VPS13B: variants seen among roughly 807,000 people sequenced by gnomAD.
The protein encoded by VPS13B is vacuolar protein sorting 13 homolog B.
Under a neutral mutation model 426.4 loss-of-function variants are expected in VPS13B, and 285 were observed. The ratio of observed to expected loss-of-function variants is 0.67; its 90% confidence interval spans 0.61 to 0.74. The LOEUF is 0.74. Ranked by LOEUF, VPS13B falls within the 30% of genes least tolerant of loss-of-function variation. VPS13B has a pLI of 0.00. For synonymous variants in VPS13B, 1,676 were observed against 1,676.4 expected, an observed-to-expected ratio of 1.00 and a Z score of 0.01; for missense variants, 4,537 against 4,782.6, an observed-to-expected ratio of 0.95 and a Z score of 1.51.
intron 19 of VPS13B, among the ~76,000 whole-genome samples, chr8:99,351,435 AGTGTGTGTGT>A (rs1024531389): frequency 1.4e-5 from 2 of 145,654 alleles, no homozygotes; most frequent in East Asian, 4.0e-4. Context: ...AGAGAGAGAG[AGTGTGTGTGT>A]GTGTGTGTGT....
rs773391550 is a variant in VPS13B, at chr8:99,121,357, C to T, written c.1118C>T (p.Ser373Leu). 11 of 1,614,062 alleles carry T rather than the reference C, an allele frequency of 6.8e-6. No homozygotes were observed. Among genetic ancestry groups the T allele is most frequent in the Non-Finnish European group, 9.3e-6 (11 of 1,180,036 alleles). ...EEDFVGNDPA[S>L]TMHQQKAQTL... ...GACTTTGTTGGGAACGATCCTGCATCAACCATGCATCAACAAAAAGCACAG... is the reference window on the plus strand; with the variant it reads ...GACTTTGTTGGGAACGATCCTGCATTAACCATGCATCAACAAAAAGCACAG... Residue 373 changes from serine to leucine, a missense_variant, in exon 8 of 62, where the codon TCA becomes TTA. By Grantham distance (145) the Ser-to-Leu change is moderately radical. Coordinates refer to ENST00000357162, the MANE Select transcript of VPS13B (RefSeq NM_152564.5).
At chr8:99,179,529 A>G (rs954901784) in intron 16 of VPS13B, among the ~76,000 whole-genome samples, 2 of 152,148 alleles carry the variant, frequency 1.3e-5, no homozygotes, top group Non-Finnish European at 2.9e-5. Context: ...TGTATCCTAA[A>G]TAACTGTAAC....
chr8:99,664,651 C>T (rs1301863086), intron 35 of VPS13B, among the ~76,000 whole-genome samples: 1 of 152,092 alleles, frequency 6.6e-6, no homozygotes, highest in Non-Finnish European at 1.5e-5. Context: ...ATGAACTCAT[C>T]CTTTTTTATG....
At chr8:99,761,442 G>A (rs1207542457) in intron 39 of VPS13B, among the ~76,000 whole-genome samples, 2 of 152,106 alleles carry the variant, frequency 1.3e-5, no homozygotes, top group East Asian at 3.9e-4. Flanking sequence ...CTACCTAATG[G>A]CTTCCCACAG....
intron 33 of VPS13B, among the ~76,000 whole-genome samples, chr8:99,590,794 G>A (rs1826608674): frequency 6.6e-6 from 1 of 152,152 alleles, no homozygotes; most frequent in African/African-American, 2.4e-5. Context: ...ATGTGATGCT[G>A]AGAATAATGT....
At chr8:99,487,826 CATTTA>C (rs1820392787) in intron 25 of VPS13B, among the ~76,000 whole-genome samples, 1 of 152,120 alleles carries the variant, frequency 6.6e-6, no homozygotes, top group Non-Finnish European at 1.5e-5. Context: ...GTATATAACA[CATTTA>C]ATTTATCTGT....
rs752429062 is a variant in VPS13B, at chr8:99,556,475, C to G, written c.4771C>G (p.Arg1591Gly). 4 of 1,612,696 alleles carry G rather than the reference C, an allele frequency of 2.5e-6. No individual in the cohort carries two copies. The South Asian group carries it at 3.3e-5, about 13-fold the overall frequency. Residue 1591 changes from arginine to glycine, a missense_variant, in exon 31 of 62, where the codon CGA becomes GGA. Transcript: ENST00000357162. ...GAGAGCCTTGAACTTAGGAATTCTT[C>G]GAGATCCTGGATCAGAAATCGAAGA... ...YQRALNLGIL[R>G]DPGSEIEDRQ...
intron 35 of VPS13B, among the ~76,000 whole-genome samples, chr8:99,674,484 C>T (rs1830841891): frequency 6.6e-6 from 1 of 151,920 alleles, no homozygotes; most frequent in Non-Finnish European, 1.5e-5. Context: ...TGAATTGAGT[C>T]TCTTGTAAGC....
intron 19 of VPS13B, among the ~76,000 whole-genome samples, chr8:99,278,222 G>A (rs985932660): frequency 1.3e-5 from 2 of 152,120 alleles, no homozygotes; most frequent in East Asian, 1.9e-4. Context: ...AGGGGGATGG[G>A]TGGTTAAATG....
At chr8:99,494,850 C>A (rs1820803440) in intron 25 of VPS13B, among the ~76,000 whole-genome samples, 1 of 151,870 alleles carries the variant, frequency 6.6e-6, no homozygotes, top group Admixed American at 6.6e-5. Flanking sequence ...TAAGTAAATT[C>A]TGTACAGATA....
At chr8:99,024,284 G>A (rs867050446) in intron 2 of VPS13B, among the ~76,000 whole-genome samples, 1 of 152,250 alleles carries the variant, frequency 6.6e-6, no homozygotes, top group Non-Finnish European at 1.5e-5. Flanking sequence ...GTGTTTGTGT[G>A]TGCATGCGCA....
At chr8:99,685,392 G>T (rs771519226) in intron 35 of VPS13B, among the ~76,000 whole-genome samples, 1 of 152,216 alleles carries the variant, frequency 6.6e-6, no homozygotes, top group Non-Finnish European at 1.5e-5. Context: ...CAGACTGTTA[G>T]TTGGCCTGGG....
At position 99,170,071 on chromosome 8, in the gene VPS13B, G is replaced by C. The variant is rs757030166; in HGVS notation, c.2241G>C (p.Leu747Phe). ...GTTTCCAGGCAGGACTGACGTCTTT[G>C]GATTGCAGTGGATCTTACTGCTTAC... ...IFGFQAGLTS[L>F]DCSGSYCLPV... The change falls in exon 16 of 62, where the codon TTG becomes TTC. Residue 747 changes from leucine (L) to phenylalanine (F), a missense_variant. Leu to Phe is a conservative substitution (Grantham distance 22). This residue lies in a region of VPS13B where 4,311 missense variants were observed against 4,474.3 expected (regional missense o/e 0.96). Transcript: ENST00000357162. 2 of 1,612,802 alleles carry C rather than the reference G, an allele frequency of 1.2e-6. No individual in the cohort carries two copies. Among genetic ancestry groups the C allele is most frequent in the Admixed American group, 3.3e-5 (2 of 59,978 alleles).
chr8:99,732,775 G>T (rs1035086757), intron 39 of VPS13B, among the ~76,000 whole-genome samples: 1 of 152,132 alleles, frequency 6.6e-6, no homozygotes, highest in African/African-American at 2.4e-5. Flanking sequence ...TGGGATTTTC[G>T]AAACAAAAAA....
At chr8:99,375,564 A>G (rs1813439365) in intron 19 of VPS13B, among the ~76,000 whole-genome samples, 1 of 152,222 alleles carries the variant, frequency 6.6e-6, no homozygotes, top group African/African-American at 2.4e-5. Flanking sequence ...TCCCCTAGAT[A>G]AAGTTGCTAG....
intron 17 of VPS13B, among the ~76,000 whole-genome samples, chr8:99,229,899 G>A (rs1250047736): frequency 6.6e-6 from 1 of 152,142 alleles, no homozygotes; most frequent in African/African-American, 2.4e-5. Flanking sequence ...CTGCTTACCT[G>A]TTTCCACATT....
chr8:99,578,870 A>G (rs1380995735), intron 33 of VPS13B, among the ~76,000 whole-genome samples: 3 of 152,200 alleles, frequency 2.0e-5, no homozygotes, highest in Non-Finnish European at 2.9e-5. Flanking sequence ...ATTTATCTAC[A>G]TACTTTTAAT....
intron 31 of VPS13B, among the ~76,000 whole-genome samples, chr8:99,565,143 G>A (rs1181757819): frequency 2.0e-5 from 3 of 152,092 alleles, no homozygotes; most frequent in Non-Finnish European, 4.4e-5. Context: ...ATTTTCTCAT[G>A]TATAATATTT....
chr8:99,595,797 CTT>C (rs1395530173), intron 33 of VPS13B, among the ~76,000 whole-genome samples: 3 of 151,808 alleles, frequency 2.0e-5, no homozygotes, highest in African/African-American at 4.8e-5. Context: ...AAAAAGGACT[CTT>C]ATAACTCAGG....
Sources: gnomAD v4.1 joint callset for allele counts (sites outside exome capture counted in the v4.1 genomes callset) on GRCh38, gnomAD v4.1.1 for gene constraint, gnomAD v4.1.1 regional missense constraint, MANE v1.5 for transcripts, NCBI Gene and HGNC (gene_info 2026-07-23, HGNC 2026-07-21) for gene names.